RNF43: variants seen among roughly 807,000 people sequenced by gnomAD.
RNF43 encodes the protein E3 ubiquitin-protein ligase RNF43.
A neutral mutation model predicts 78.4 loss-of-function variants in RNF43; 37 were observed. That is an observed-to-expected ratio of 0.47 (90% CI 0.36 to 0.62). The LOEUF (loss-of-function observed/expected upper bound fraction) is 0.62. Among genes scored for constraint, RNF43 ranks in the 20% least tolerant of loss-of-function variants. RNF43 has a pLI of 0.00. For synonymous variants in RNF43, 347 were observed against 395.0 expected, an observed-to-expected ratio of 0.88 and a Z score of 1.44; for missense variants, 774 against 1,007.9, an observed-to-expected ratio of 0.77 and a Z score of 3.14.
At chr17:58,387,670 A>C (rs1387539302) in intron 2 of RNF43, among the ~76,000 whole-genome samples, 3 of 152,036 alleles carry the variant, frequency 2.0e-5, no homozygotes, top group East Asian at 1.9e-4. Flanking sequence ...CAAAAAAAAA[A>C]CAAAAAAACA....
chr17:58,360,947 G>T lies in RNF43; in HGVS notation c.688-3C>A. The T allele has an allele frequency of 6.4e-7, 1 of 1,559,762 alleles. No individual in the cohort carries two copies. The highest frequency in any genetic ancestry group is 1.2e-5 in the South Asian group (1 of 84,112). On this transcript the variant is annotated splice_polypyrimidine_tract_variant and splice_region_variant and intron_variant, in intron 6 of 9. Coordinates refer to ENST00000407977, the MANE Select transcript of RNF43 (RefSeq NM_017763.6). The surrounding 1 kb of genome is among the most constrained non-coding windows in gnomAD (Gnocchi z 4.3). The stretch of plus-strand genomic sequence containing the variant: ...GCTGTTCTCTGCTGAAGCGGATCCT[G>T]GGAAGAGGAATGGGGCTCAGATTGG...
At position 58,357,383 on chromosome 17, in the gene RNF43, C is replaced by T. The variant is rs753921650; in HGVS notation, c.2308+85G>A. 14 of 1,545,500 alleles carry T rather than the reference C, an allele frequency of 9.1e-6. No individual in the cohort carries two copies. In the Admixed American group the frequency reaches 2.3e-4, roughly 26 times the overall value. Reference sequence around the variant, plus strand: ...TGTATCCTTCTCAGCTTCCATCAACCCTTTGTTGGCTGACTTCACCTGTCC... The same window carrying T: ...TGTATCCTTCTCAGCTTCCATCAACTCTTTGTTGGCTGACTTCACCTGTCC... On this transcript the variant is annotated intron_variant, in intron 9 of 9. Transcript: ENST00000407977. The surrounding 1 kb of genome is among the most constrained non-coding windows in gnomAD (Gnocchi z 4.5).
intron 2 of RNF43, among the ~76,000 whole-genome samples, chr17:58,391,354 T>C (rs543319562): frequency 1.3e-5 from 2 of 152,284 alleles, no homozygotes; most frequent in East Asian, 3.9e-4. Flanking sequence ...GCCCAACACA[T>C]TTTTTTCCTT....
At chr17:58,405,068 C>CT (rs35147601) in intron 2 of RNF43, among the ~76,000 whole-genome samples, 1,215 of 79,656 alleles carry the variant, frequency 0.015, 82 homozygotes, top group Non-Finnish European at 0.018. Context: ...TGTAGTACTT[C>CT]TTTTTTTTTT....
chr17:58,373,566 G>A (rs1375199983), intron 2 of RNF43, among the ~76,000 whole-genome samples: 2 of 152,028 alleles, frequency 1.3e-5, no homozygotes, highest in Non-Finnish European at 2.9e-5. Context: ...TATATTTATG[G>A]GATACATGAT....
Position 58,368,533 on chromosome 17 carries a change from C to G in RNF43, c.375+2378G>C, listed in dbSNP as rs373334922. ...CTGCACTCCAGCCTGGGCAACAGAGCGAGACTCCATCTCGTTAAAAAAAAA... is the reference window on the plus strand; with the variant it reads ...CTGCACTCCAGCCTGGGCAACAGAGGGAGACTCCATCTCGTTAAAAAAAAA... On this transcript the variant is annotated intron_variant, in intron 3 of 9. Transcript: ENST00000407977. 1.5e-4 allele frequency among the ~76,000 whole-genome samples: 23 copies of G among 150,692 alleles called. No homozygotes were observed. The East Asian group carries it at 4.1e-3, about 27-fold the overall frequency.
chr17:58,404,078 G>A (rs147149615), intron 2 of RNF43, among the ~76,000 whole-genome samples: 122 of 152,240 alleles, frequency 8.0e-4, no homozygotes, highest in African/African-American at 2.7e-3. Context: ...CCTTTTTTGA[G>A]TGTGTTAACT....
chr17:58,417,330 C>G lies in RNF43; in HGVS notation c.-699G>C, dbSNP rs1198685468. On this transcript the variant is annotated 5_prime_UTR_variant, in exon 1 of 10. Transcript: ENST00000407977. ...TGAAACCTCCTTGCTAACAAAAGTTCTTTTTTTCTCCAAACAGCATATAAA... is the reference window on the plus strand; with the variant it reads ...TGAAACCTCCTTGCTAACAAAAGTTGTTTTTTTCTCCAAACAGCATATAAA... The G allele has an allele frequency of 6.6e-6, 1 of 152,132 alleles. No homozygotes were observed. Among genetic ancestry groups the G allele is most frequent in the East Asian group, 1.9e-4 (1 of 5,190 alleles). The allele number at this position is 152,132 out of a possible 1,614,324, so 9.4% of individuals were successfully genotyped here.
intron 2 of RNF43, among the ~76,000 whole-genome samples, chr17:58,384,866 C>T (rs1160148778): frequency 6.6e-6 from 1 of 152,148 alleles, no homozygotes; most frequent in African/African-American, 2.4e-5. Context: ...ATGTGACTAC[C>T]AAACACATCT....
At chr17:58,353,546 C>T, downstream of RNF43, 1 of 205,906 alleles carries the variant, frequency 4.9e-6, no homozygotes, top group Non-Finnish European at 9.9e-6. Flanking sequence ...TCTACTCTAC[C>T]CTATCCTTTC....
chr17:58,363,757 C>G (rs979852672), intron 3 of RNF43, among the ~76,000 whole-genome samples, 157 bp from the exon 4 acceptor site: 1 of 152,218 alleles, frequency 6.6e-6, no homozygotes, highest in African/African-American at 2.4e-5. Flanking sequence ...GTCACTGGGT[C>G]TAAGATCTCC....
chr17:58,405,700 CAGAAAGAAAGAAAGAAAGAAAGAA>C (rs199880674), intron 2 of RNF43, among the ~76,000 whole-genome samples: 283 of 110,260 alleles, frequency 2.6e-3, no homozygotes, highest in Middle Eastern at 3.9e-3. Context: ...TCTCTAATGA[CAGAAAGAAAGAAAGAAAGAAAGAA>C]AGAAAGAAAG....
At chr17:58,362,193 C>T (rs1972849316) in intron 6 of RNF43, among the ~76,000 whole-genome samples, 1 of 152,082 alleles carries the variant, frequency 6.6e-6, no homozygotes, top group South Asian at 2.1e-4. Context: ...GTACATATCA[C>T]CATCTAAAAC....
chr17:58,407,553 A>C (rs1050216146), intron 2 of RNF43, among the ~76,000 whole-genome samples: 1 of 152,248 alleles, frequency 6.6e-6, no homozygotes, highest in Non-Finnish European at 1.5e-5. Context: ...AAAGTATAGA[A>C]CAAAATAAAA....
chr17:58,412,525 C>A (rs1255439911), intron 2 of RNF43, among the ~76,000 whole-genome samples: 1 of 151,630 alleles, frequency 6.6e-6, no homozygotes, highest in East Asian at 1.9e-4. Flanking sequence ...AGAATCAGAA[C>A]AAAAATCATC....
chr17:58,356,268 T>C (rs1304048801), intron 9 of RNF43, among the ~76,000 whole-genome samples: 1 of 152,070 alleles, frequency 6.6e-6, no homozygotes, highest in Non-Finnish European at 1.5e-5. Context: ...AATGAATGAA[T>C]TGGATGAGGG....
chr17:58,410,207 T>C (rs989436077), intron 2 of RNF43, among the ~76,000 whole-genome samples: 10 of 152,212 alleles, frequency 6.6e-5, no homozygotes, highest in African/African-American at 2.4e-4. Context: ...GATGATAACT[T>C]ATAAAAGAGA....
At chr17:58,395,321 T>G (rs1426948259) in intron 2 of RNF43, among the ~76,000 whole-genome samples, 1 of 152,230 alleles carries the variant, frequency 6.6e-6, no homozygotes, top group Admixed American at 6.5e-5. Context: ...AATGTGATGT[T>G]AAGTTCCCTA....
intron 2 of RNF43, among the ~76,000 whole-genome samples, chr17:58,398,337 A>C (rs1475720628): frequency 6.6e-6 from 1 of 152,198 alleles, no homozygotes; most frequent in East Asian, 1.9e-4. Context: ...ATAATATAAG[A>C]GACTGGGCTA....
Sources: gnomAD v4.1 joint callset for allele counts (sites outside exome capture counted in the v4.1 genomes callset) on GRCh38, gnomAD v4.1.1 for gene constraint, Gnocchi (gnomAD v3.1) non-coding constraint, MANE v1.5 for transcripts, NCBI Gene and HGNC (gene_info 2026-07-23, HGNC 2026-07-21) for gene names.